The following MAP4 variants were observed in gnomAD, a reference collection of about 807,000 sequenced individuals.
MAP4 encodes microtubule associated protein 4.
MAP4 carries 76 observed loss-of-function variants against 170.2 expected under a neutral mutation model. The observed-to-expected ratio is 0.45, with a 90% CI of 0.37 to 0.54. The LOEUF is 0.54. Among genes scored for constraint, MAP4 ranks in the 20% least tolerant of loss-of-function variants. The pLI is 0.00. For missense variants in MAP4, 2,506 were observed against 2,748.0 expected (o/e 0.91, Z 1.97); for synonymous variants, 909 against 994.5 (o/e 0.91, Z 1.62).
chr3:48,028,029 C>G lies in MAP4; in HGVS notation c.-19-29150G>C, dbSNP rs569834658. 2.6e-5 allele frequency among the ~76,000 whole-genome samples: 4 copies of G among 152,286 alleles called. No homozygotes were observed. In the South Asian group the frequency reaches 8.3e-4, roughly 32 times the overall value. On this transcript the variant is annotated intron_variant, in intron 1 of 18. Transcript: ENST00000360240. ...TGCAGGGGCCAGGCACTGTGGCTCA[C>G]GCCTGTAATCCCAGTACTTTGGGAG...
At chr3:48,088,244 C>G (rs1455817362) in intron 1 of MAP4, among the ~76,000 whole-genome samples, 2 of 149,670 alleles carry the variant, frequency 1.3e-5, no homozygotes, top group African/African-American at 4.9e-5. Context: ...CACACAGTGT[C>G]GGGGCCTTTG....
intron 3 of MAP4, among the ~76,000 whole-genome samples, chr3:47,954,342 T>C (rs973162380): frequency 6.6e-6 from 1 of 152,162 alleles, no homozygotes; most frequent in African/African-American, 2.4e-5. Flanking sequence ...GGAAATCTAC[T>C]ATAAATACAG....
intron 17 of MAP4, among the ~76,000 whole-genome samples, chr3:47,858,888 G>C (rs188552235): frequency 1.3e-5 from 2 of 152,222 alleles, no homozygotes; most frequent in Admixed American, 1.3e-4. Context: ...CAGCACTTTG[G>C]GAGGCTAAGG....
At chr3:47,984,926 G>A (rs1286313502) in intron 2 of MAP4, among the ~76,000 whole-genome samples, 4 of 151,608 alleles carry the variant, frequency 2.6e-5, no homozygotes, top group Admixed American at 2.0e-4. Context: ...CCGAGATCAT[G>A]CCACTGCCCT....
rs1420042913 is a variant in MAP4 at position 47,911,442 on chromosome 3, A to C, written c.2979T>G (p.Ser993Arg). ...ECNLKEGNNE[S>R]KMTKLQNVKL... ...TGACATTCTGCAGTTTAGTCATTTT[A>C]CTTTCATTATTCCCTTCTTTTAGAT... Residue 993 changes from serine (S) to arginine (R), a missense_variant, in exon 9 of 21, where the codon AGT becomes AGG. Around this residue, in one of 3 missense-constraint regions of MAP4, gnomAD observed 2,008 missense variants for 2,206.0 expected, o/e 0.91. Transcript: ENST00000683076. This position sits in a 1 kb window ranked among gnomAD's most constrained non-coding sequence, Gnocchi z 4.0. 6.5e-7 allele frequency: 1 copy of C among 1,536,096 alleles called. No homozygotes were observed. Among genetic ancestry groups the C allele is most frequent in the South Asian group, 1.2e-5 (1 of 84,062 alleles).
At chr3:47,956,360 G>A (rs1368087228) in intron 3 of MAP4, among the ~76,000 whole-genome samples, 3 of 152,136 alleles carry the variant, frequency 2.0e-5, no homozygotes, top group Non-Finnish European at 4.4e-5. Flanking sequence ...ACATAGCTCT[G>A]CACAACATGC....
chr3:47,915,304 C>T (rs181563254), intron 7 of MAP4, among the ~76,000 whole-genome samples: 5 of 151,804 alleles, frequency 3.3e-5, no homozygotes, highest in Admixed American at 2.6e-4. Context: ...TTAGTGGAGA[C>T]GGGGTTTCTC....
At chr3:47,915,075 T>G in intron 7 of MAP4, 136 bp from the exon 8 acceptor site, 1 of 1,022,592 alleles carries the variant, frequency 9.8e-7, no homozygotes, top group Non-Finnish European at 1.5e-6. Context: ...GAAGTGGTAG[T>G]TGGAAGCTGA....
intron 1 of MAP4, among the ~76,000 whole-genome samples, chr3:48,086,566 G>A (rs1031407916): frequency 6.6e-6 from 1 of 152,188 alleles, no homozygotes; most frequent in African/African-American, 2.4e-5. Flanking sequence ...TTGAACTCCG[G>A]AGGTAGAGTC....
chr3:48,028,976 C>T (rs1407343368), intron 1 of MAP4, among the ~76,000 whole-genome samples: 2 of 151,366 alleles, frequency 1.3e-5, no homozygotes, highest in East Asian at 1.9e-4. Context: ...ACCCCTGCCT[C>T]GATAAAAAAT....
intron 3 of MAP4, among the ~76,000 whole-genome samples, chr3:47,967,321 C>T (rs1445863881): frequency 2.0e-5 from 3 of 151,644 alleles, no homozygotes; most frequent in Non-Finnish European, 4.4e-5. Flanking sequence ...GGCGACAGAG[C>T]GAGACTCCGT....
At chr3:47,902,342 G>A (rs1016578513) in intron 10 of MAP4, among the ~76,000 whole-genome samples, 1 of 151,950 alleles carries the variant, frequency 6.6e-6, no homozygotes, top group Non-Finnish European at 1.5e-5. Flanking sequence ...TTTTAGTTGT[G>A]TGACTAGTCC....
In MAP4 at chr3:47,852,872, C is replaced by A; in HGVS notation, c.*62G>T. On this transcript the variant is annotated 3_prime_UTR_variant, in exon 21 of 21. Transcript: ENST00000683076. Reference sequence around the variant, plus strand: ...CCAGGGAAGTGTGGGGGGCGGGAGACAATGTCGGCCCCGTGGTCGGTGCGG... The same window carrying A: ...CCAGGGAAGTGTGGGGGGCGGGAGAAAATGTCGGCCCCGTGGTCGGTGCGG... 1.9e-6 allele frequency: 3 copies of A among 1,577,300 alleles called. No homozygotes were observed. The highest frequency in any genetic ancestry group is 1.7e-6 in the Non-Finnish European group (2 of 1,161,684).
chr3:48,084,336 TGCAGTGA>T (rs1273946138), intron 1 of MAP4, among the ~76,000 whole-genome samples: 1 of 149,014 alleles, frequency 6.7e-6, no homozygotes, highest in African/African-American at 2.5e-5. Flanking sequence ...AGTTCAAGGC[TGCAGTGA>T]GCTATGATCT....
intron 10 of MAP4, chr3:47,891,908 G>A (rs1433740296): frequency 1.3e-6 from 2 of 1,536,042 alleles, no homozygotes; most frequent in Admixed American, 3.9e-5. Context: ...TGAGCCCAGA[G>A]AGCCTTGAGC....
chr3:48,074,678 G>T (rs12497061), intron 1 of MAP4, among the ~76,000 whole-genome samples: 966 of 20,442 alleles, frequency 0.047, 100 homozygotes, highest in East Asian at 0.15. Context: ...CCAGCTAATT[G>T]TGTGTGTGTG....
At chr3:47,936,980 C>CAAAAAAAAA (rs10711611) in intron 3 of MAP4, among the ~76,000 whole-genome samples, 1 of 94,400 alleles carries the variant, frequency 1.1e-5, no homozygotes, top group Admixed American at 1.1e-4. Context: ...AACTCCGTCT[C>CAAAAAAAAA]AAAAAAAAAA....
At position 48,029,998 on chromosome 3, in the gene MAP4, A is replaced by AT. The variant is rs1245335354; in HGVS notation, c.-19-31120_-19-31119insA. On this transcript the variant is annotated intron_variant, in intron 1 of 18. Coordinates refer to the MAP4 transcript ENST00000360240. Reference sequence around the variant, plus strand: ...AGCAAGATTCCATCTCAAAAAAAAAAATATATATATATAATATATGTATTA... The same window carrying AT: ...AGCAAGATTCCATCTCAAAAAAAAAATATATATATATATAATATATGTATTA... Among the ~76,000 whole-genome samples the AT allele has an allele frequency of 1.4e-3, 208 of 147,148 alleles. 2 individuals carry two copies. Among genetic ancestry groups the AT allele is most frequent in the South Asian group, 5.0e-3 (24 of 4,756 alleles).
chr3:48,029,497 C>T (rs1436709067), intron 1 of MAP4, among the ~76,000 whole-genome samples: 3 of 152,112 alleles, frequency 2.0e-5, no homozygotes, highest in African/African-American at 7.2e-5. Flanking sequence ...AAGCAATAAT[C>T]ACTAACTCCT....
Sources: allele counts gnomAD v4.1 joint callset (sites outside exome capture counted in the v4.1 genomes callset), GRCh38; gene constraint gnomAD v4.1.1; regional missense constraint gnomAD v4.1.1; non-coding constraint Gnocchi (gnomAD v3.1); transcripts MANE v1.5; gene names NCBI Gene and HGNC (gene_info 2026-07-23, HGNC 2026-07-21).